RASAL2: variants seen among roughly 807,000 people sequenced by gnomAD.
RASAL2 encodes RAS protein activator like 2.
Under a neutral mutation model 128.9 loss-of-function variants are expected in RASAL2, and 58 were observed. The ratio of observed to expected loss-of-function variants is 0.45; its 90% CI spans 0.36 to 0.56. The LOEUF is 0.56. Among genes scored for constraint, RASAL2 ranks in the 20% least tolerant of loss-of-function variants. RASAL2 has a pLI of 0.00. For missense variants in RASAL2, 1,360 were observed against 1,601.6 expected, an observed-to-expected ratio of 0.85 and a Z score of 2.57; for synonymous variants, 561 against 580.8, an observed-to-expected ratio of 0.97 and a Z score of 0.49.
At position 178,466,139 on chromosome 1, in the gene RASAL2, C is replaced by T; in HGVS notation, c.3590+17C>T. 1 of 1,534,018 alleles carries T rather than the reference C, an allele frequency of 6.5e-7. No individual in the cohort carries two copies. Among genetic ancestry groups the T allele is most frequent in the Non-Finnish European group, 8.8e-7 (1 of 1,140,718 alleles). On this transcript the variant is annotated intron_variant, in intron 16 of 17. Transcript: ENST00000367649. ...CATCAGCAGGTTAGACATCACCTGG[C>T]AGCAGATGTGGGCTAGTTAGCAAGA...
intron 3 of RASAL2, among the ~76,000 whole-genome samples, chr1:178,388,488 C>T (rs970381108): frequency 6.6e-6 from 1 of 152,172 alleles, no homozygotes; most frequent in Non-Finnish European, 1.5e-5. Context: ...CTTACAGTTA[C>T]TGGTCATAAT....
intron 3 of RASAL2, among the ~76,000 whole-genome samples, chr1:178,387,001 C>G (rs1438180145): frequency 6.6e-6 from 1 of 152,212 alleles, no homozygotes; most frequent in East Asian, 1.9e-4. Context: ...CAGCAGGTTG[C>G]TCATTCCGCT....
chr1:178,445,297 T>C (rs953671014), intron 8 of RASAL2, among the ~76,000 whole-genome samples: 3 of 152,192 alleles, frequency 2.0e-5, no homozygotes, highest in Non-Finnish European at 4.4e-5. Context: ...TTCAGAATTA[T>C]GGCCTTTATC....
At chr1:178,145,554 CA>C (rs10645696) in intron 1 of RASAL2, among the ~76,000 whole-genome samples, 59 of 123,898 alleles carry the variant, frequency 4.8e-4, no homozygotes, top group African/African-American at 1.8e-3. Flanking sequence ...GTGACTTTGA[CA>C]AAAAAAAAAA....
At chr1:178,468,730 T>C (rs1647977588) in intron 17 of RASAL2, among the ~76,000 whole-genome samples, 1 of 152,106 alleles carries the variant, frequency 6.6e-6, no homozygotes, top group South Asian at 2.1e-4. Flanking sequence ...TTGAAAGAAA[T>C]CTTTCTAGAT....
At chr1:178,436,643 A>G (rs1676274422) in intron 5 of RASAL2, among the ~76,000 whole-genome samples, 1 of 152,146 alleles carries the variant, frequency 6.6e-6, no homozygotes, top group South Asian at 2.1e-4. Context: ...AAGGTGAGAT[A>G]TAGGAAATAG....
intron 5 of RASAL2, among the ~76,000 whole-genome samples, chr1:178,436,122 T>C (rs749810064): frequency 6.6e-5 from 10 of 152,094 alleles, no homozygotes; most frequent in Non-Finnish European, 1.3e-4. Flanking sequence ...TTTGTACAAA[T>C]AATGCCTCCC....
chr1:178,431,889 A>G (rs560573518), intron 5 of RASAL2, among the ~76,000 whole-genome samples: 204 of 148,748 alleles, frequency 1.4e-3, no homozygotes, highest in African/African-American at 4.8e-3. Context: ...TGTTAAATAC[A>G]TGCAAATATA....
intron 4 of RASAL2, among the ~76,000 whole-genome samples, chr1:178,402,045 C>G (rs1384007613): frequency 2.6e-5 from 4 of 152,182 alleles, no homozygotes; most frequent in African/African-American, 9.7e-5. Flanking sequence ...TTGACTTCCT[C>G]TAACACCTAT....
intron 3 of RASAL2, among the ~76,000 whole-genome samples, chr1:178,348,743 A>G (rs1465039475): frequency 6.6e-6 from 1 of 152,082 alleles, no homozygotes; most frequent in African/African-American, 2.4e-5. Flanking sequence ...ATGTTCTGTA[A>G]AAGTCCTTTT....
chr1:178,119,741 CTTG>C (rs1283009309), intron 1 of RASAL2, among the ~76,000 whole-genome samples: 1 of 152,196 alleles, frequency 6.6e-6, no homozygotes, highest in Non-Finnish European at 1.5e-5. Context: ...GCACTGTTGC[CTTG>C]TTGTCAACAT....
At chr1:178,154,394 C>T (rs773509946) in intron 1 of RASAL2, among the ~76,000 whole-genome samples, 16 of 152,086 alleles carry the variant, frequency 1.1e-4, no homozygotes, top group South Asian at 2.1e-4. Context: ...AGCAGTCCTC[C>T]GGCCTTGGCT....
intron 1 of RASAL2, among the ~76,000 whole-genome samples, chr1:178,179,271 T>C (rs1015368195): frequency 8.5e-5 from 13 of 152,184 alleles, no homozygotes; most frequent in African/African-American, 3.1e-4. Context: ...ATGAGCACAA[T>C]TGGTTCTCCA....
At chr1:178,107,189 A>G (rs1659121712) in intron 1 of RASAL2, among the ~76,000 whole-genome samples, 1 of 152,170 alleles carries the variant, frequency 6.6e-6, no homozygotes, top group South Asian at 2.1e-4. Flanking sequence ...GATGATTACT[A>G]TTTGACTCCC....
chr1:178,224,206 G>T (rs1384683863), intron 1 of RASAL2, among the ~76,000 whole-genome samples: 1 of 151,244 alleles, frequency 6.6e-6, no homozygotes, highest in Non-Finnish European at 1.5e-5. Flanking sequence ...TGTGATCAGA[G>T]GTTAGGGGAA....
intron 3 of RASAL2, among the ~76,000 whole-genome samples, chr1:178,377,923 A>G (rs1278991976): frequency 6.6e-6 from 1 of 152,054 alleles, no homozygotes; most frequent in Non-Finnish European, 1.5e-5. Flanking sequence ...AAAATAGAGT[A>G]TTTTTATTGA....
At chr1:178,250,790 A>G (rs1488104126) in intron 1 of RASAL2, among the ~76,000 whole-genome samples, 2 of 152,132 alleles carry the variant, frequency 1.3e-5, no homozygotes, top group South Asian at 2.1e-4. Flanking sequence ...CTATATATAT[A>G]TGTGTGTCCT....
At chr1:178,236,868 G>A (rs1571678376) in intron 1 of RASAL2, among the ~76,000 whole-genome samples, 1 of 150,184 alleles carries the variant, frequency 6.7e-6, no homozygotes, top group Non-Finnish European at 1.5e-5. Context: ...GGTTCAAGTG[G>A]TTCTCCTGCC....
At chr1:178,140,736 T>C (rs1197427704) in intron 1 of RASAL2, among the ~76,000 whole-genome samples, 1 of 152,260 alleles carries the variant, frequency 6.6e-6, no homozygotes, top group Non-Finnish European at 1.5e-5. Flanking sequence ...CTTGTTTGCC[T>C]CCAGTTTTTC....
Sources: gnomAD v4.1 joint callset for allele counts (sites outside exome capture counted in the v4.1 genomes callset) on GRCh38, gnomAD v4.1.1 for gene constraint, MANE v1.5 for transcripts, NCBI Gene and HGNC (gene_info 2026-07-23, HGNC 2026-07-21) for gene names.